Variants in KLRK1 observed in about 807,000 individuals in gnomAD.
KLRK1 encodes killer cell lectin like receptor K1.
KLRK1 carries 40 observed loss-of-function variants against 31.3 expected under a neutral mutation model. That is an observed-to-expected ratio of 1.28 (90% CI 0.99 to 1.67). The LOEUF is 1.67. Among genes scored for constraint, KLRK1 ranks in the 40% most tolerant of loss-of-function variants. KLRK1 has a pLI of 0.00. For missense variants in KLRK1, 251 were observed against 260.0 expected (o/e 0.97, Z 0.24); for synonymous variants, 77 against 77.3 (o/e 1.00, Z 0.02).
intron 2 of KLRK1, among the ~76,000 whole-genome samples, chr12:10,388,547 C>T (rs948714638): frequency 5.3e-5 from 8 of 151,954 alleles, no homozygotes; most frequent in African/African-American, 9.7e-5. Flanking sequence ...AAGTTGTGAG[C>T]GACTTTACCA....
Position 10,388,765 on chromosome 12 carries a change from A to C in KLRK1, c.40+6T>G. On this transcript the variant is annotated splice_donor_region_variant and intron_variant, in intron 2 of 7. Coordinates refer to ENST00000240618, the MANE Select transcript of KLRK1 (RefSeq NM_007360.4). ...AAAACTACACACTTATGTGGTAAAA[A>C]CATACCCCAGCTGTGTCGAGACCTC... 6.2e-7 allele frequency: 1 copy of C among 1,613,642 alleles called. No homozygotes were observed. The highest frequency in any genetic ancestry group is 8.5e-7 in the Non-Finnish European group (1 of 1,179,912).
At chr12:10,373,353 A>G in intron 7 of KLRK1, 122 bp from the exon 8 acceptor site, 1 of 721,588 alleles carries the variant, frequency 1.4e-6, no homozygotes, top group Non-Finnish European at 2.1e-6. Context: ...ATTATGGACC[A>G]TGCCTGGTCC....
chr12:10,382,005 T>C (rs1310657136), intron 3 of KLRK1: 4 of 152,176 alleles, frequency 2.6e-5, no homozygotes, highest in African/African-American at 7.2e-5. Context: ...GGGGAGCATT[T>C]TGACCCACCG....
At position 10,373,294 on chromosome 12, in the gene KLRK1, A is replaced by G. The variant is rs1036699100; in HGVS notation, c.534-63T>C. The G allele has an allele frequency of 2.9e-6, 4 of 1,391,760 alleles. No homozygotes were observed. In the African/African-American group the frequency reaches 4.4e-5, roughly 15 times the overall value. The allele number at this position is 1,391,760 out of a possible 1,614,324, so 86.2% of individuals were successfully genotyped here. A position where few individuals can be genotyped will look rare whatever the true frequency, so the allele number is the denominator to read the frequency against. On this transcript the variant is annotated intron_variant, in intron 7 of 7. Transcript: ENST00000240618. Reference sequence around the variant, plus strand: ...TATTAACGCGGGAAAATAAAAATGAATCATACCTATTGAACTTCAAATACA... The same window carrying G: ...TATTAACGCGGGAAAATAAAAATGAGTCATACCTATTGAACTTCAAATACA...
At chr12:10,376,426 T>C (rs1484734006) in intron 7 of KLRK1, among the ~76,000 whole-genome samples, 2 of 152,036 alleles carry the variant, frequency 1.3e-5, no homozygotes, top group African/African-American at 2.4e-5. Flanking sequence ...AAATGACACA[T>C]GTAAATAATC....
At chr12:10,387,864 T>C (rs1863197597) in intron 2 of KLRK1, among the ~76,000 whole-genome samples, 1 of 152,126 alleles carries the variant, frequency 6.6e-6, no homozygotes, top group African/African-American at 2.4e-5. Flanking sequence ...TTCTTTATAA[T>C]GAAGGACATA....
At chr12:10,378,508 A>ATGTT (rs768753860) in intron 6 of KLRK1, 46 bp downstream of exon 6, 3 of 1,599,926 alleles carry the variant, frequency 1.9e-6, no homozygotes, top group South Asian at 2.3e-5. Flanking sequence ...GTTGTCTCAG[A>ATGTT]TGTTAGGATT....
At chr12:10,383,460 A>G (rs1863113758) in intron 3 of KLRK1, among the ~76,000 whole-genome samples, 1 of 152,098 alleles carries the variant, frequency 6.6e-6, no homozygotes, top group African/African-American at 2.4e-5. Context: ...TAGTATTTAT[A>G]AGTATACATA....
chr12:10,388,797 C>G lies in KLRK1; in HGVS notation c.14G>C (p.Arg5Pro). 2 of 1,613,924 alleles carry G rather than the reference C, an allele frequency of 1.2e-6. No individual in the cohort carries two copies. Among genetic ancestry groups the G allele is most frequent in the Non-Finnish European group, 1.7e-6 (2 of 1,179,932 alleles). ...CCAGCTGTGTCGAGACCTCCGACCA[C>G]GAATCCACCCCATCAAATACTTATA... MGWIRGRRSRHSWEM... is the reference protein window; with the variant it reads MGWIPGRRSRHSWEM... The change falls in exon 2 of 8, where the codon CGT becomes CCT. Residue 5 changes from arginine to proline, a missense_variant. Coordinates refer to ENST00000240618, the MANE Select transcript of KLRK1 (RefSeq NM_007360.4).
intron 5 of KLRK1, 33 bp from the exon 6 acceptor site, chr12:10,378,738 CATCTGAACCATTAT>C: frequency 6.4e-7 from 1 of 1,554,684 alleles, no homozygotes; most frequent in Non-Finnish European, 8.6e-7. Flanking sequence ...TAATTCTACA[CATCTGAACCATTAT>C]AGCAGATTTT....
intron 3 of KLRK1, among the ~76,000 whole-genome samples, chr12:10,383,498 T>C (rs190862269): frequency 3.3e-4 from 50 of 152,168 alleles, no homozygotes; most frequent in Non-Finnish European, 6.0e-4. Flanking sequence ...CACTCAGATA[T>C]ATTAAGTAAA....
intron 3 of KLRK1, among the ~76,000 whole-genome samples, chr12:10,386,137 AT>A (rs760053987): frequency 1.3e-4 from 20 of 151,934 alleles, no homozygotes; most frequent in Non-Finnish European, 2.4e-4. Context: ...TTTCCAGTGG[AT>A]ATTTAAATTG....
At chr12:10,375,996 T>TGAA (rs754113864) in intron 7 of KLRK1, among the ~76,000 whole-genome samples, 2 of 152,174 alleles carry the variant, frequency 1.3e-5, no homozygotes, top group Non-Finnish European at 2.9e-5. Flanking sequence ...ATAAGAGATT[T>TGAA]GAAGAAATAA....
chr12:10,389,882 T>C (rs1001337093), intron 1 of KLRK1, 61 bp downstream of exon 1: 21 of 151,336 alleles, frequency 1.4e-4, no homozygotes, highest in African/African-American at 4.9e-4. Flanking sequence ...TTTTTTGAGG[T>C]TGAAATATAA....
intron 1 of KLRK1, chr12:10,389,124 A>C (rs1863226861): frequency 9.3e-6 from 3 of 321,114 alleles, no homozygotes; most frequent in Non-Finnish European, 1.7e-5. Flanking sequence ...CTACATTGAG[A>C]TATTTAATAC....
At position 10,378,241 on chromosome 12, in the gene KLRK1, T is replaced by G; in HGVS notation, c.430-6A>C. On this transcript the variant is annotated splice_polypyrimidine_tract_variant and splice_region_variant and intron_variant, in intron 6 of 7. Transcript: ENST00000240618. ...TTCACCAGTTTAAGTAAATCCTGTTTGAAACCACAAATAAACTATAAGTAA... is the reference window on the plus strand; with the variant it reads ...TTCACCAGTTTAAGTAAATCCTGTTGGAAACCACAAATAAACTATAAGTAA... 1 of 1,609,776 alleles carries G rather than the reference T, an allele frequency of 6.2e-7. No homozygotes were observed. The highest frequency in any genetic ancestry group is 8.5e-7 in the Non-Finnish European group (1 of 1,178,522).
intron 1 of KLRK1, chr12:10,389,111 C>A: frequency 2.9e-6 from 1 of 340,002 alleles, no homozygotes; most frequent in Non-Finnish European, 5.4e-6. Flanking sequence ...CCTATTAATT[C>A]ACCTACATTG....
rs374995345 is a variant in KLRK1 at position 10,388,824 on chromosome 12, G to A, written c.-14C>T. 16 of 1,613,844 alleles carry A rather than the reference G, an allele frequency of 9.9e-6. No individual in the cohort carries two copies. Among genetic ancestry groups the A allele is most frequent in the Admixed American group, 5.0e-5 (3 of 59,996 alleles). ...AATCCACCCCATCAAATACTTATAAGTGCACGTCTACCGCAGAGAGGAATC... is the reference window on the plus strand; with the variant it reads ...AATCCACCCCATCAAATACTTATAAATGCACGTCTACCGCAGAGAGGAATC... On this transcript the variant is annotated 5_prime_UTR_variant, in exon 2 of 8. Coordinates refer to ENST00000240618, the MANE Select transcript of KLRK1 (RefSeq NM_007360.4).
At chr12:10,378,468 C>A in intron 6 of KLRK1, 86 bp downstream of exon 6, 4 of 1,567,532 alleles carry the variant, frequency 2.6e-6, no homozygotes, top group Non-Finnish European at 3.4e-6. Flanking sequence ...CACAGTGTCC[C>A]TTATATGTTC....
Sources: allele counts gnomAD v4.1 joint callset (sites outside exome capture counted in the v4.1 genomes callset), GRCh38; gene constraint gnomAD v4.1.1; transcripts MANE v1.5; gene names NCBI Gene and HGNC (gene_info 2026-07-23, HGNC 2026-07-21).